Variants in GPHN observed in about 807,000 individuals in gnomAD.
GPHN encodes gephyrin.
Under a neutral mutation model 95.5 loss-of-function variants are expected in GPHN, and 17 were observed. The observed-to-expected ratio is 0.18, with a 90% CI of 0.12 to 0.27. The LOEUF (loss-of-function observed/expected upper bound fraction) is 0.27. GPHN is among the 10% of genes least tolerant of loss of function. GPHN has a pLI of 1.00. For missense variants in GPHN, 660 were observed against 978.1 expected, an observed-to-expected ratio of 0.67 and a Z score of 4.34; for synonymous variants, 320 against 322.5, an observed-to-expected ratio of 0.99 and a Z score of 0.08.
the GPHN span, chr14:67,726,239 G>A: frequency 1.2e-6 from 1 of 868,966 alleles, no homozygotes; most frequent in South Asian, 1.3e-5. Flanking sequence ...TGTGGAGAAT[G>A]TCCAGGGGCC....
chr14:67,039,134 G>A (rs1481232827), intron 10 of GPHN, among the ~76,000 whole-genome samples: 1 of 152,112 alleles, frequency 6.6e-6, no homozygotes, highest in African/African-American at 2.4e-5. Context: ...TCCAGAATTT[G>A]TCCTGAACTG....
the GPHN span, among the ~76,000 whole-genome samples, chr14:67,425,822 G>C: frequency 6.6e-6 from 1 of 152,004 alleles, no homozygotes; most frequent in Admixed American, 6.6e-5. Context: ...AGCGGTGGGC[G>C]TGTCTCTGCT....
intron 3 of GPHN, among the ~76,000 whole-genome samples, chr14:66,817,227 A>G (rs1288687251): frequency 6.6e-6 from 1 of 151,926 alleles, no homozygotes; most frequent in African/African-American, 2.4e-5. Flanking sequence ...GTGTTTGTGT[A>G]TGTGTATACA....
At chr14:67,580,124 C>T in the GPHN span, 10 of 430,868 alleles carry the variant, frequency 2.3e-5, no homozygotes, top group African/African-American at 6.0e-5. Flanking sequence ...GGCTGTGCAG[C>T]GTCCAGAAGA....
At chr14:66,840,326 A>G (rs1171513650) in intron 4 of GPHN, among the ~76,000 whole-genome samples, 1 of 152,116 alleles carries the variant, frequency 6.6e-6, no homozygotes, top group Admixed American at 6.6e-5. Context: ...AAATCCTAGT[A>G]TAAGTATACA....
chr14:67,719,632 G>A, the GPHN span, among the ~76,000 whole-genome samples: 1 of 151,892 alleles, frequency 6.6e-6, no homozygotes, highest in Non-Finnish European at 1.5e-5. Context: ...GTGCCACCAG[G>A]CCAGCTAATT....
chr14:67,580,261 AC>A, the GPHN span: 1 of 188,662 alleles, frequency 5.3e-6, no homozygotes, highest in South Asian at 1.3e-4. Flanking sequence ...CCAGCACCTC[AC>A]TTTTACCCTT....
chr14:67,539,697 A>G, the GPHN span, among the ~76,000 whole-genome samples: 1 of 152,186 alleles, frequency 6.6e-6, no homozygotes, highest in East Asian at 1.9e-4. Context: ...GGATGGGTAA[A>G]GAGCACAGAG....
chr14:66,794,244 T>C (rs1444727806), intron 3 of GPHN, among the ~76,000 whole-genome samples: 1 of 152,162 alleles, frequency 6.6e-6, no homozygotes, highest in East Asian at 1.9e-4. Context: ...GTTCTTGTGA[T>C]ATTTAGTGAG....
chr14:66,659,055 T>G (rs2065476280), intron 1 of GPHN, among the ~76,000 whole-genome samples: 1 of 151,878 alleles, frequency 6.6e-6, no homozygotes, highest in Non-Finnish European at 1.5e-5. Flanking sequence ...TTTTACTGTT[T>G]TCAAAAAAAT....
chr14:67,317,430 G>A, the GPHN span: 1 of 1,611,898 alleles, frequency 6.2e-7, no homozygotes, highest in Non-Finnish European at 8.5e-7. Context: ...GTGCAAAGAA[G>A]AATAAAAAGA....
chr14:67,110,078 C>T, intron 13 of GPHN, 62 bp from the exon 14 acceptor site: 1 of 1,471,814 alleles, frequency 6.8e-7, no homozygotes, highest in Admixed American at 1.7e-5. Flanking sequence ...TTAACATCCT[C>T]TGCAGACTTT....
the GPHN span, among the ~76,000 whole-genome samples, chr14:67,372,837 A>AG: frequency 6.6e-6 from 1 of 151,786 alleles, no homozygotes; most frequent in Admixed American, 6.6e-5. Flanking sequence ...AAAAAAAAAA[A>AG]CAAAAAACAA....
At chr14:67,147,897 A>G (rs953328688) in intron 18 of GPHN, among the ~76,000 whole-genome samples, 1 of 152,168 alleles carries the variant, frequency 6.6e-6, no homozygotes, top group African/African-American at 2.4e-5. Flanking sequence ...AAACAAATCT[A>G]ATTATTCCCA....
chr14:67,572,291 C>T, the GPHN span: 29,620 of 1,556,862 alleles, frequency 0.019, 359 homozygotes, highest in Admixed American at 0.048. Flanking sequence ...AGCCGGGAAA[C>T]GGGCGGGGGC....
intron 11 of GPHN, among the ~76,000 whole-genome samples, chr14:67,088,436 A>G (rs533873435): frequency 2.0e-5 from 3 of 152,274 alleles, no homozygotes; most frequent in East Asian, 3.9e-4. Context: ...TCCTATGTCA[A>G]TGAATATTCT....
intron 2 of GPHN, among the ~76,000 whole-genome samples, chr14:66,770,882 T>C (rs1419621070): frequency 6.6e-6 from 1 of 152,160 alleles, no homozygotes; most frequent in Admixed American, 6.5e-5. Flanking sequence ...ATCATAGGTG[T>C]GTGTGTGTAG....
At chr14:67,588,780 T>TATC in the GPHN span, 1 of 152,622 alleles carries the variant, frequency 6.6e-6, no homozygotes, top group Non-Finnish European at 1.5e-5. Context: ...ACAATGTGTG[T>TATC]ATCTTTTGCA....
the GPHN span, among the ~76,000 whole-genome samples, chr14:67,477,337 T>C: frequency 1.3e-5 from 2 of 152,206 alleles, no homozygotes; most frequent in East Asian, 3.8e-4. Context: ...CAGGTCCTAT[T>C]CATTCTGTTA....
Sources: allele counts gnomAD v4.1 joint callset (sites outside exome capture counted in the v4.1 genomes callset), GRCh38; gene constraint gnomAD v4.1.1; transcripts MANE v1.5; gene names NCBI Gene and HGNC (gene_info 2026-07-23, HGNC 2026-07-21).